CNTLN: variants seen among roughly 807,000 people sequenced by gnomAD.
CNTLN encodes the protein centlein, centrosomal protein.
CNTLN carries 212 observed loss-of-function variants against 180.0 expected under a neutral mutation model. That is an observed-to-expected ratio of 1.18 (90% confidence interval 1.05 to 1.32). The LOEUF is 1.32. Among genes scored for constraint, CNTLN ranks in the 40% most tolerant of loss-of-function variants. The probability of loss-of-function intolerance (pLI) is 0.00; values close to 1 mark genes in which losing one functional copy is unlikely to be tolerated. For missense variants in CNTLN, 2,095 were observed against 1,610.9 expected (o/e 1.30, Z -5.14); for synonymous variants, 722 against 563.1 (o/e 1.28, Z -3.99).
chr9:17,450,155 T>C (rs1465865131), intron 18 of CNTLN, among the ~76,000 whole-genome samples: 1 of 152,174 alleles, frequency 6.6e-6, no homozygotes, highest in African/African-American at 2.4e-5. Context: ...TCAAGACAGA[T>C]TGGCATTTTC....
At chr9:17,437,772 TATA>T (rs1282697564) in intron 18 of CNTLN, among the ~76,000 whole-genome samples, 4 of 152,148 alleles carry the variant, frequency 2.6e-5, no homozygotes, top group Non-Finnish European at 5.9e-5. Flanking sequence ...TGAACATATG[TATA>T]ATAATAAAAG....
In CNTLN at chr9:17,260,043, T is replaced by C. The variant is rs560323806; in HGVS notation, c.850-13690T>C. ...CTTTTGAATGTGTTTGGTCTTGCTT[T>C]TCTAGTTCTTTTAATTGTGATGTTA... is the stretch of plus-strand genomic sequence containing the variant. On this transcript the variant is annotated intron_variant, in intron 5 of 25. Coordinates refer to ENST00000380647, the MANE Select transcript of CNTLN (RefSeq NM_017738.4). 2.3e-3 allele frequency among the ~76,000 whole-genome samples: 330 copies of C among 143,538 alleles called. 2 individuals carry two copies. Among genetic ancestry groups the C allele is most frequent in the African/African-American group, 8.6e-3 (306 of 35,780 alleles). 94.2% of individuals were successfully genotyped at this position (143,538 alleles called of 152,430 possible).
At chr9:17,299,896 T>C in intron 7 of CNTLN, 1 of 616,936 alleles carries the variant, frequency 1.6e-6, no homozygotes, top group Non-Finnish European at 2.0e-6. Flanking sequence ...GTGGCTTTCT[T>C]CCTTCAGTTT....
intron 12 of CNTLN, among the ~76,000 whole-genome samples, chr9:17,343,841 C>A (rs537734450): frequency 6.6e-6 from 1 of 152,104 alleles, no homozygotes; most frequent in Non-Finnish European, 1.5e-5. Context: ...CCCCAGCCCT[C>A]CCATCCATCC....
intron 2 of CNTLN, among the ~76,000 whole-genome samples, chr9:17,215,008 T>TC (rs1265648474): frequency 6.6e-6 from 1 of 152,198 alleles, no homozygotes; most frequent in African/African-American, 2.4e-5. Context: ...ACTTCCTCCT[T>TC]TAGCTGGGAG....
chr9:17,305,579 C>T (rs1211226413), intron 7 of CNTLN, among the ~76,000 whole-genome samples: 3 of 151,534 alleles, frequency 2.0e-5, no homozygotes, highest in African/African-American at 7.3e-5. Flanking sequence ...TGGAATCTAC[C>T]CAGGGCACTG....
At chr9:17,347,066 C>CTTTTATACATAAT (rs1564014947) in intron 12 of CNTLN, among the ~76,000 whole-genome samples, 1 of 151,962 alleles carries the variant, frequency 6.6e-6, no homozygotes, top group Non-Finnish European at 1.5e-5. Flanking sequence ...CCATTGGGTT[C>CTTTTATACATAAT]TTCTTTATGT....
Position 17,345,882 on chromosome 9 carries a change from T to G in CNTLN, c.1886+3438T>G, listed in dbSNP as rs1821842720. On this transcript the variant is annotated intron_variant, in intron 12 of 25. Transcript: ENST00000380647. Reference sequence around the variant, plus strand: ...TTTCTACTGTCCTCATTGCTAGTCTTCCAAGTTTCTTCTTTTATAGTTTTC... The same window carrying G: ...TTTCTACTGTCCTCATTGCTAGTCTGCCAAGTTTCTTCTTTTATAGTTTTC... Among the ~76,000 whole-genome samples, 4 of 152,304 alleles carry G rather than the reference T, an allele frequency of 2.6e-5. No individual in the cohort carries two copies. The South Asian group carries it at 8.3e-4, about 32-fold the overall frequency.
intron 13 of CNTLN, among the ~76,000 whole-genome samples, chr9:17,381,119 T>C (rs769768038): frequency 6.6e-5 from 10 of 152,234 alleles, no homozygotes; most frequent in Non-Finnish European, 1.2e-4. Flanking sequence ...CAGAGTCTAC[T>C]AGGCCTTGCA....
chr9:17,376,013 C>G (rs989243300), intron 13 of CNTLN, among the ~76,000 whole-genome samples: 5 of 152,348 alleles, frequency 3.3e-5, no homozygotes, highest in Non-Finnish European at 5.9e-5. Flanking sequence ...ATACCCTTCA[C>G]TTGGCTTTTG....
Position 17,340,848 on chromosome 9 carries a change from A to G in CNTLN, c.1666A>G (p.Arg556Gly), listed in dbSNP as rs1821423250. The change falls in exon 11 of 26, where the codon AGA becomes GGA. Residue 556 changes from arginine to glycine, a missense_variant. Coordinates refer to ENST00000380647, the MANE Select transcript of CNTLN (RefSeq NM_017738.4). ...QLKSQENDEL[R>G]DAHEKRKERL... ...ACAGAGCCAAGAAAATGATGAGCTAAGAGATGCCCATGAAAAACGCAAGGA... is the reference window on the plus strand; with the variant it reads ...ACAGAGCCAAGAAAATGATGAGCTAGGAGATGCCCATGAAAAACGCAAGGA... The G allele has an allele frequency of 6.8e-6, 11 of 1,611,590 alleles. No homozygotes were observed. Among genetic ancestry groups the G allele is most frequent in the South Asian group, 1.1e-5 (1 of 90,764 alleles).
chr9:17,143,458 T>G, intron 2 of CNTLN, 82 bp downstream of exon 2: 1 of 958,386 alleles, frequency 1.0e-6, no homozygotes, highest in Non-Finnish European at 1.6e-6. Flanking sequence ...TACTTATCAT[T>G]AATCTCCTAA....
intron 12 of CNTLN, among the ~76,000 whole-genome samples, chr9:17,365,206 T>G (rs1156783248): frequency 6.6e-6 from 1 of 152,144 alleles, no homozygotes; most frequent in Non-Finnish European, 1.5e-5. Context: ...GTTCCATTGA[T>G]AGTGAGTTCT....
intron 5 of CNTLN, among the ~76,000 whole-genome samples, chr9:17,269,032 C>A (rs1225254488): frequency 1.3e-5 from 2 of 152,066 alleles, no homozygotes; most frequent in Admixed American, 1.3e-4. Context: ...GCACGGTGCG[C>A]TGCACCCACT....
chr9:17,383,548 A>G (rs535000471), intron 13 of CNTLN, among the ~76,000 whole-genome samples: 1 of 152,158 alleles, frequency 6.6e-6, no homozygotes, highest in Non-Finnish European at 1.5e-5. Flanking sequence ...TAAAAAAATT[A>G]TTTTTAAAAC....
chr9:17,278,155 G>C (rs1271388244), intron 6 of CNTLN, among the ~76,000 whole-genome samples: 1 of 152,092 alleles, frequency 6.6e-6, no homozygotes, highest in African/African-American at 2.4e-5. Context: ...TCACCAGCTA[G>C]TGCCTCCAAC....
chr9:17,243,768 G>A (rs1189974616), intron 5 of CNTLN, among the ~76,000 whole-genome samples: 1 of 152,168 alleles, frequency 6.6e-6, no homozygotes, highest in Non-Finnish European at 1.5e-5. Flanking sequence ...GCTGAGGAAA[G>A]GAATGTGTAT....
At chr9:17,171,519 C>T (rs1392675632) in intron 2 of CNTLN, among the ~76,000 whole-genome samples, 1 of 152,126 alleles carries the variant, frequency 6.6e-6, no homozygotes, top group Non-Finnish European at 1.5e-5. Context: ...CTTTTGGGTT[C>T]TTTGATGGCC....
intron 18 of CNTLN, among the ~76,000 whole-genome samples, chr9:17,456,921 AAGG>A (rs1831158302): frequency 6.6e-6 from 1 of 152,188 alleles, no homozygotes; most frequent in Non-Finnish European, 1.5e-5. Context: ...TTCAAAATGT[AAGG>A]AGTTTAGTGC....
Sources: allele counts gnomAD v4.1 joint callset (sites outside exome capture counted in the v4.1 genomes callset), GRCh38; gene constraint gnomAD v4.1.1; transcripts MANE v1.5; gene names NCBI Gene and HGNC (gene_info 2026-07-23, HGNC 2026-07-21).